The following IL23R variants were observed in gnomAD, a reference collection of about 807,000 sequenced individuals.
IL23R encodes interleukin-23 receptor.
Under a neutral mutation model 56.9 loss-of-function variants are expected in IL23R, and 34 were observed. The observed-to-expected ratio is 0.60, with a 90% confidence interval of 0.45 to 0.80. The LOEUF is 0.80. Among genes scored for constraint, IL23R ranks in the 30% least tolerant of loss-of-function variants. IL23R has a pLI of 0.00. For missense variants in IL23R, 635 were observed against 730.0 expected, an observed-to-expected ratio of 0.87 and a Z score of 1.50; for synonymous variants, 230 against 249.2, an observed-to-expected ratio of 0.92 and a Z score of 0.73.
rs1194493274 is a variant in IL23R, at chr1:67,169,619, A to G, written c.348A>G (p.Gly116=). The G allele has an allele frequency of 6.2e-7, 1 of 1,614,074 alleles. No homozygotes were observed. ...PKHFQETLIC[G]KDISSGYPPD... is the part of the protein sequence containing the mutation. ...ATTTTCAAGAGACACTGATATGTGG[A>G]AAAGACATTTCTTCTGGATGTAAGT... The change falls in exon 3 of 11, where the codon GGA becomes GGG. Residue 116 remains glycine, a synonymous_variant. Coordinates refer to ENST00000347310, the MANE Select transcript of IL23R (RefSeq NM_144701.3).
At chr1:67,183,273 C>T (rs1570802250) in intron 4 of IL23R, among the ~76,000 whole-genome samples, 1 of 152,222 alleles carries the variant, frequency 6.6e-6, no homozygotes, top group Non-Finnish European at 1.5e-5. Context: ...CAGTGGCTCA[C>T]ACCTGTAATC....
chr1:67,163,056 C>T (rs957467790), upstream of IL23R, among the ~76,000 whole-genome samples: 4 of 152,190 alleles, frequency 2.6e-5, no homozygotes, highest in African/African-American at 9.6e-5. Context: ...TAATGCACAC[C>T]TCACAGGAAA....
chr1:67,208,330 T>C (rs1031524869), intron 6 of IL23R, among the ~76,000 whole-genome samples: 1 of 152,224 alleles, frequency 6.6e-6, no homozygotes, highest in Non-Finnish European at 1.5e-5. Flanking sequence ...AGGAGCCTAA[T>C]GTTAATTCCC....
chr1:67,183,065 A>T, intron 4 of IL23R, 106 bp downstream of exon 4: 1 of 1,240,530 alleles, frequency 8.1e-7, no homozygotes, highest in Admixed American at 1.9e-5. Flanking sequence ...TTAAATATAT[A>T]CCCTGATTTA....
intron 7 of IL23R, among the ~76,000 whole-genome samples, chr1:67,228,212 T>C (rs1236755822): frequency 6.8e-6 from 1 of 146,702 alleles, no homozygotes; most frequent in Non-Finnish European, 1.5e-5. Flanking sequence ...CCTTCTTTTT[T>C]AGACAGGGTC....
intron 1 of IL23R, among the ~76,000 whole-genome samples, chr1:67,161,066 T>A (rs753400726): frequency 5.3e-5 from 8 of 152,236 alleles, no homozygotes; most frequent in Non-Finnish European, 1.2e-4. Context: ...CAATAACTAT[T>A]ATCATTGCAT....
chr1:67,251,482 G>C (rs1652621917), intron 9 of IL23R, among the ~76,000 whole-genome samples: 1 of 151,302 alleles, frequency 6.6e-6, no homozygotes, highest in Admixed American at 6.6e-5. Flanking sequence ...AGACATAAAG[G>C]CCTTTTAAAT....
intron 7 of IL23R, among the ~76,000 whole-genome samples, chr1:67,235,373 C>G (rs1251954142): frequency 1.3e-5 from 2 of 148,672 alleles, no homozygotes; most frequent in Non-Finnish European, 3.0e-5. Flanking sequence ...TGCCTGCACC[C>G]AGAGCAGCCT....
At chr1:67,219,996 G>A (rs575833274) in intron 7 of IL23R, among the ~76,000 whole-genome samples, 68 of 152,194 alleles carry the variant, frequency 4.5e-4, no homozygotes, top group Non-Finnish European at 8.8e-4. Context: ...GCGTGAGCCC[G>A]GGAGTTTGAT....
intron 6 of IL23R, among the ~76,000 whole-genome samples, chr1:67,211,649 A>G (rs1649483712): frequency 6.6e-6 from 1 of 151,968 alleles, no homozygotes; most frequent in Admixed American, 6.6e-5. Flanking sequence ...AGGATACCAA[A>G]TCCTCTTACT....
rs531297716 is a variant in IL23R, at chr1:67,146,596, C to T, written c.-634+7435C>T. The stretch of plus-strand genomic sequence containing the variant: ...ACCCATAATCCTTACTCCTTTTATC[C>T]TGGCCCATTATCTTTTAGGCATGCT... On this transcript the variant is annotated intron_variant, in intron 1 of 10. Transcript: ENST00000637002. Among the ~76,000 whole-genome samples the T allele has an allele frequency of 1.9e-3, 290 of 152,332 alleles. 1 individual carries two copies. The highest frequency in any genetic ancestry group is 3.4e-3 in the Middle Eastern group (1 of 294).
intron 10 of IL23R, among the ~76,000 whole-genome samples, chr1:67,257,599 G>A (rs1198630514): frequency 6.6e-6 from 1 of 152,132 alleles, no homozygotes; most frequent in Non-Finnish European, 1.5e-5. Context: ...CTGTTGGAAG[G>A]CCTCCAGTCC....
intron 9 of IL23R, among the ~76,000 whole-genome samples, chr1:67,251,583 C>T (rs1018018875): frequency 6.6e-6 from 1 of 152,002 alleles, no homozygotes; most frequent in African/African-American, 2.4e-5. Flanking sequence ...TGTTACCCAA[C>T]TTTAGCCATG....
At chr1:67,160,182 G>A (rs1438451672) in intron 1 of IL23R, among the ~76,000 whole-genome samples, 1 of 152,068 alleles carries the variant, frequency 6.6e-6, no homozygotes, top group East Asian at 1.9e-4. Flanking sequence ...GAATTTTCAA[G>A]CTCATTCCTG....
intron 4 of IL23R, among the ~76,000 whole-genome samples, chr1:67,185,429 T>C (rs1035188777): frequency 1.3e-5 from 2 of 152,168 alleles, no homozygotes; most frequent in African/African-American, 4.8e-5. Context: ...ATAGGGTTTT[T>C]GTTTTGTTTT....
At chr1:67,178,120 T>C (rs1647036309) in intron 3 of IL23R, among the ~76,000 whole-genome samples, 1 of 152,190 alleles carries the variant, frequency 6.6e-6, no homozygotes, top group Non-Finnish European at 1.5e-5. Context: ...TGGTTCCATA[T>C]GACCTTTAAA....
intron 7 of IL23R, among the ~76,000 whole-genome samples, chr1:67,220,995 T>C (rs1650202413): frequency 6.6e-6 from 1 of 150,704 alleles, no homozygotes; most frequent in South Asian, 2.1e-4. Context: ...TCCTGGGCAA[T>C]TGTGAGCCAT....
intron 8 of IL23R, among the ~76,000 whole-genome samples, chr1:67,237,409 A>G (rs145704607): frequency 1.2e-3 from 178 of 152,278 alleles, no homozygotes; most frequent in African/African-American, 4.1e-3. Context: ...TTACTTACCT[A>G]TCTTGTGCTA....
At chr1:67,233,418 T>C (rs1651239838) in intron 7 of IL23R, among the ~76,000 whole-genome samples, 1 of 151,908 alleles carries the variant, frequency 6.6e-6, no homozygotes, top group African/African-American at 2.4e-5. Context: ...GAAAACAGAC[T>C]AGTACGGTTG....
Sources: allele counts gnomAD v4.1 joint callset (sites outside exome capture counted in the v4.1 genomes callset), GRCh38; gene constraint gnomAD v4.1.1; transcripts MANE v1.5; gene names NCBI Gene and HGNC (gene_info 2026-07-23, HGNC 2026-07-21).